The following KIF9 variants were observed in gnomAD, a reference collection of about 807,000 sequenced individuals.
The protein encoded by KIF9 is kinesin-like protein KIF9.
A neutral mutation model predicts 94.8 loss-of-function variants in KIF9; 68 were observed. The ratio of observed to expected loss-of-function variants is 0.72; its 90% CI spans 0.59 to 0.88. The LOEUF (loss-of-function observed/expected upper bound fraction) is 0.88. Ranked by LOEUF, KIF9 falls within the 40% of genes least tolerant of loss-of-function variation. The pLI is 0.00. For synonymous variants in KIF9, 343 were observed against 362.1 expected (o/e 0.95, Z 0.60); for missense variants, 882 against 982.5 (o/e 0.90, Z 1.37).
At chr3:47,240,462 T>C (rs757839778) in intron 17 of KIF9, among the ~76,000 whole-genome samples, 3 of 152,110 alleles carry the variant, frequency 2.0e-5, no homozygotes, top group South Asian at 2.1e-4. Flanking sequence ...ACGGACCTTG[T>C]AGAGGTCACC....
rs1484023605 is a variant in KIF9, at chr3:47,271,771, C to A, written c.367-310G>T. On this transcript the variant is annotated intron_variant, in intron 4 of 20. Transcript: ENST00000684063. ...TATTTAATTCCATCCACATATAAAT[C>A]TCTGTGAATGAGGCAGTGCAGGAGC... Among the ~76,000 whole-genome samples, 5 of 152,098 alleles carry A rather than the reference C, an allele frequency of 3.3e-5. 1 individual carries two copies. Among genetic ancestry groups the A allele is most frequent in the Non-Finnish European group, 5.9e-5 (4 of 68,022 alleles).
chr3:47,262,623 C>T (rs2107408888), intron 9 of KIF9, among the ~76,000 whole-genome samples: 1 of 152,268 alleles, frequency 6.6e-6, no homozygotes, highest in East Asian at 1.9e-4. Context: ...AAGCCTTCCT[C>T]TGGGGATGCT....
intron 10 of KIF9, among the ~76,000 whole-genome samples, chr3:47,249,495 G>A: frequency 6.6e-6 from 1 of 152,230 alleles, no homozygotes; most frequent in East Asian, 1.9e-4. Flanking sequence ...GAACATTTTT[G>A]TACTCATATA....
chr3:47,282,388 G>A (rs1032196926), intron 1 of KIF9, 107 bp downstream of exon 1: 2 of 986,222 alleles, frequency 2.0e-6, no homozygotes, highest in Non-Finnish European at 2.4e-6. Flanking sequence ...CGACCCAGCT[G>A]GGAACCCCCA....
intron 17 of KIF9, among the ~76,000 whole-genome samples, chr3:47,237,172 G>T (rs1384347251): frequency 1.3e-5 from 2 of 152,050 alleles, no homozygotes; most frequent in African/African-American, 4.8e-5. Context: ...TCGGCTCACT[G>T]CAACTCTGCC....
At chr3:47,236,415 T>G in intron 18 of KIF9, 28 bp downstream of exon 18, 1 of 1,611,120 alleles carries the variant, frequency 6.2e-7, no homozygotes, top group South Asian at 1.1e-5. Context: ...GTACCTCAGG[T>G]GGCGGCCAAC....
Position 47,240,152 on chromosome 3 carries a change from G to A in KIF9, c.1924+649C>T, listed in dbSNP as rs545880422. The stretch of plus-strand genomic sequence containing the variant: ...CTTGGCCCTCAGTGCAGGTGTGGGC[G>A]GCGCACGCCACCAGGACAAGGACAC... On this transcript the variant is annotated intron_variant, in intron 17 of 20. Transcript: ENST00000684063. The A allele has an allele frequency of 2.6e-4, 74 of 288,434 alleles. 2 individuals are homozygous for A. Among genetic ancestry groups the A allele is most frequent in the South Asian group, 1.9e-3 (55 of 29,342 alleles). The allele number at this position is 288,434 out of a possible 1,614,324, so 17.9% of individuals were successfully genotyped here. A position where few individuals can be genotyped will look rare whatever the true frequency, so the allele number is the denominator to read the frequency against.
chr3:47,274,211 C>A (rs1029815597), intron 3 of KIF9, among the ~76,000 whole-genome samples: 1 of 152,174 alleles, frequency 6.6e-6, no homozygotes, highest in Non-Finnish European at 1.5e-5. Flanking sequence ...TAGTTGGTTC[C>A]ATGTCACTTC....
intron 10 of KIF9, among the ~76,000 whole-genome samples, chr3:47,255,748 C>T (rs576959544): frequency 5.6e-5 from 8 of 143,296 alleles, no homozygotes; most frequent in African/African-American, 1.1e-4. Flanking sequence ...CCTCTCCCCA[C>T]GGTCTCCCTC....
rs542212971 is a variant in KIF9, at chr3:47,268,587, T to C, written c.592-1324A>G. Among the ~76,000 whole-genome samples the C allele has an allele frequency of 6.7e-3, 1,001 of 150,278 alleles. 10 individuals are homozygous for C. The highest frequency in any genetic ancestry group is 0.027 in the Middle Eastern group (8 of 294). On this transcript the variant is annotated intron_variant, in intron 5 of 20. Coordinates refer to ENST00000684063, the MANE Select transcript of KIF9 (RefSeq NM_182902.4). ...GGGTCACTTCATTTTTCTTCTTCTT[T>C]TTTTTTTTTTTTTTGAGATCATTCT...
At chr3:47,269,768 A>ATTTTT (rs36108313) in intron 5 of KIF9, among the ~76,000 whole-genome samples, 1 of 86,466 alleles carries the variant, frequency 1.2e-5, no homozygotes, top group African/African-American at 5.7e-5. Flanking sequence ...CTCCCAGCTA[A>ATTTTT]TTTTTTTTTT....
At chr3:47,277,526 C>A in intron 1 of KIF9, 147 bp from the exon 2 acceptor site, 1 of 612,430 alleles carries the variant, frequency 1.6e-6, no homozygotes, top group Admixed American at 2.8e-5. Flanking sequence ...CTTTTCACCC[C>A]TCAGCATTTC....
intron 1 of KIF9, among the ~76,000 whole-genome samples, chr3:47,280,016 G>A (rs1167397404): frequency 6.6e-6 from 1 of 152,156 alleles, no homozygotes; most frequent in African/African-American, 2.4e-5. Context: ...GTGCACTGGT[G>A]TGATTTCAGC....
At chr3:47,264,233 T>C (rs1701153693) in intron 9 of KIF9, 53 bp downstream of exon 9, 2 of 1,392,234 alleles carry the variant, frequency 1.4e-6, no homozygotes, top group African/African-American at 2.8e-5. Flanking sequence ...TACCCTGCCC[T>C]GGCACCCATG....
chr3:47,246,119 T>G, intron 13 of KIF9, 78 bp downstream of exon 13: 1 of 1,330,418 alleles, frequency 7.5e-7, no homozygotes, highest in Non-Finnish European at 1.1e-6. Context: ...GAGGAGCTCT[T>G]GGAGGCAAGT....
rs369159848 is a variant in KIF9, at chr3:47,235,990, C to T, written c.2217+44G>A. On this transcript the variant is annotated intron_variant, in intron 19 of 20. Transcript: ENST00000684063. The stretch of plus-strand genomic sequence containing the variant: ...GACATCAAGGGGCACTGCCCATTGC[C>T]CCATGTTCAACCACTGCCACACCCC... 31 of 1,406,572 alleles carry T rather than the reference C, an allele frequency of 2.2e-5. No homozygotes were observed. The African/African-American group carries it at 2.3e-4, about 10-fold the overall frequency. 87.1% of individuals were successfully genotyped at this position (1,406,572 alleles called of 1,614,324 possible). A position where few individuals can be genotyped will look rare whatever the true frequency, so the allele number is the denominator to read the frequency against.
chr3:47,258,620 T>C (rs1230839736), intron 9 of KIF9, among the ~76,000 whole-genome samples: 1 of 152,154 alleles, frequency 6.6e-6, no homozygotes, highest in East Asian at 1.9e-4. Context: ...TGAGTTCTTA[T>C]GAGATCTGGT....
chr3:47,240,972 T>TA lies in KIF9; in HGVS notation c.1752dup (p.Lys585Ter), dbSNP rs1177781257. The TA allele has an allele frequency of 6.2e-7, 1 of 1,614,076 alleles. No homozygotes were observed. The highest frequency in any genetic ancestry group is 1.7e-5 in the Admixed American group (1 of 59,998). On this transcript the variant is annotated frameshift_variant, in exon 17 of 21. Transcript: ENST00000684063. LOFTEE classifies it high-confidence loss of function. ...TTGATCTCACTACCTTGCTCATTCT[T>TA]AAACTCCTCAAAGGCCACTGGTTTG...
At chr3:47,245,381 T>C in intron 14 of KIF9, 40 bp downstream of exon 14, 1 of 1,468,306 alleles carries the variant, frequency 6.8e-7, no homozygotes, top group Non-Finnish European at 9.6e-7. Flanking sequence ...GGATGGGAAA[T>C]CTGAGGTGAG....
Sources: allele counts gnomAD v4.1 joint callset (sites outside exome capture counted in the v4.1 genomes callset), GRCh38; gene constraint gnomAD v4.1.1; transcripts MANE v1.5; gene names NCBI Gene and HGNC (gene_info 2026-07-23, HGNC 2026-07-21).